CPNE1: variants seen among roughly 807,000 people sequenced by gnomAD.
CPNE1 encodes copine-1.
Under a neutral mutation model 63.2 loss-of-function variants are expected in CPNE1, and 58 were observed. The observed-to-expected ratio is 0.92, with a 90% CI of 0.74 to 1.14. CPNE1 has a LOEUF of 1.14. Ranked by LOEUF, CPNE1 falls within the 50% of genes most tolerant of loss-of-function variation. The probability of loss-of-function intolerance (pLI) is 0.00; values close to 1 mark genes in which losing one functional copy is unlikely to be tolerated. For missense variants in CPNE1, 672 were observed against 661.7 expected (o/e 1.02, Z -0.17); for synonymous variants, 237 against 249.0 (o/e 0.95, Z 0.45).
chr20:35,630,983 G>T lies in CPNE1; in HGVS notation c.913C>A (p.Leu305Ile), dbSNP rs1410251863. The T allele has an allele frequency of 2.5e-6, 4 of 1,614,038 alleles. No individual in the cohort carries two copies. Among genetic ancestry groups the T allele is most frequent in the African/African-American group, 2.7e-5 (2 of 74,928 alleles). The change falls in exon 11 of 16, where the codon CTA becomes ATA. Residue 305 changes from leucine to isoleucine, a missense_variant. Leu to Ile is a conservative substitution (Grantham distance 5, BLOSUM62 2). Coordinates refer to ENST00000397443, the MANE Select transcript of CPNE1 (RefSeq NM_152925.3). The stretch of plus-strand genomic sequence containing the variant: ...ACCCCTGTTGGACTCAGGTAGTGTA[G>T]GGAGTCAGGTGAGGAGGGGTCTCCA... ...SNGDPSSPDS[L>I]HYLSPTGVNE...
chr20:35,661,757 A>T (rs2034242137), intron 1 of CPNE1, among the ~76,000 whole-genome samples: 1 of 152,234 alleles, frequency 6.6e-6, no homozygotes, highest in Admixed American at 6.5e-5. Context: ...CTTCATCAAG[A>T]AGTCAAGGCA....
At chr20:35,640,667 T>C (rs1470138648) in intron 1 of CPNE1, among the ~76,000 whole-genome samples, 2 of 152,182 alleles carry the variant, frequency 1.3e-5, no homozygotes, top group African/African-American at 4.8e-5. Context: ...GCTTATTATG[T>C]ATTTCTCCTC....
intron 1 of CPNE1, among the ~76,000 whole-genome samples, chr20:35,637,702 A>G (rs530158900): frequency 1.5e-3 from 224 of 152,286 alleles, no homozygotes; most frequent in African/African-American, 5.2e-3. Flanking sequence ...CAGAAACCTG[A>G]TCATGTCATT....
chr20:35,628,053 G>A (rs534213453), intron 13 of CPNE1, among the ~76,000 whole-genome samples: 6 of 151,918 alleles, frequency 3.9e-5, no homozygotes, highest in South Asian at 2.1e-4. Flanking sequence ...AGGCTGAGGC[G>A]GGCGGATCAC....
At chr20:35,658,848 G>A in intron 1 of CPNE1, 2 of 667,614 alleles carry the variant, frequency 3.0e-6, no homozygotes, top group Admixed American at 2.2e-5. Context: ...CAATATAGTT[G>A]CTACATATAT....
chr20:35,649,892 C>T (rs2033384546), intron 1 of CPNE1: 1 of 152,244 alleles, frequency 6.6e-6, no homozygotes, highest in African/African-American at 2.4e-5. Flanking sequence ...ATAGTGTTTA[C>T]AAATGCACAC....
At chr20:35,647,083 G>C (rs1223079419) in intron 1 of CPNE1, among the ~76,000 whole-genome samples, 1 of 151,922 alleles carries the variant, frequency 6.6e-6, no homozygotes, top group Non-Finnish European at 1.5e-5. Context: ...GGCTGAGGTG[G>C]GTGGATCACC....
chr20:35,633,829 T>C (rs1200820342), intron 1 of CPNE1, among the ~76,000 whole-genome samples: 2 of 150,898 alleles, frequency 1.3e-5, no homozygotes, highest in Non-Finnish European at 3.0e-5. Context: ...CATGTTGGCG[T>C]GTGCCTATAA....
Position 35,631,113 on chromosome 20 carries a change from CA to C in CPNE1, c.861del (p.Val288TrpfsTer21). ...CTCTTGCCCTTGGTAAAGTAACTTACAGTGAAGTTGATCTGACAGCCTCCCA... is the reference window on the plus strand; with the variant it reads ...CTCTTGCCCTTGGTAAAGTAACTTACGTGAAGTTGATCTGACAGCCTCCCA... ...YVMGGCQINF[T>X]VGVDFTGSNG... On this transcript the variant is annotated frameshift_variant and splice_region_variant, in exon 10 of 16. Transcript: ENST00000397443. LOFTEE classifies it high-confidence loss of function. The C allele has an allele frequency of 6.2e-7, 1 of 1,614,136 alleles. No homozygotes were observed. Among genetic ancestry groups the C allele is most frequent in the Non-Finnish European group, 8.5e-7 (1 of 1,180,026 alleles).
chr20:35,634,210 GA>G (rs1248036041), intron 1 of CPNE1, among the ~76,000 whole-genome samples: 1 of 148,920 alleles, frequency 6.7e-6, no homozygotes, highest in Admixed American at 6.7e-5. Flanking sequence ...GCAGTGAGCC[GA>G]GATGGCGCCA....
chr20:35,645,929 T>G (rs1157501592), intron 1 of CPNE1, among the ~76,000 whole-genome samples: 4 of 151,938 alleles, frequency 2.6e-5, no homozygotes, highest in African/African-American at 4.8e-5. Flanking sequence ...CTGGTACCAG[T>G]TGGTGTGATT....
intron 1 of CPNE1, among the ~76,000 whole-genome samples, chr20:35,647,038 T>G (rs574791635): frequency 6.6e-6 from 1 of 151,746 alleles, no homozygotes; most frequent in Admixed American, 6.6e-5. Flanking sequence ...GGGCCGGGCA[T>G]GGTGGCTCAT....
At position 35,631,106 on chromosome 20, in the gene CPNE1, T is replaced by G. The variant is rs2032099847; in HGVS notation, c.861+8A>C. ...ACCTGTTCTCTTGCCCTTGGTAAAG[T>G]AACTTACAGTGAAGTTGATCTGACA... On this transcript the variant is annotated splice_region_variant and intron_variant, in intron 10 of 15. Transcript: ENST00000397443. 8 of 1,614,144 alleles carry G rather than the reference T, an allele frequency of 5.0e-6. No homozygotes were observed. In the East Asian group the frequency reaches 1.8e-4, roughly 36 times the overall value.
intron 1 of CPNE1, among the ~76,000 whole-genome samples, chr20:35,645,009 T>G (rs1040959677): frequency 1.3e-5 from 2 of 152,212 alleles, no homozygotes; most frequent in Admixed American, 6.5e-5. Flanking sequence ...GGCTGAAATC[T>G]ACATTCTTTT....
chr20:35,636,051 TG>T (rs2032470302), intron 1 of CPNE1, among the ~76,000 whole-genome samples: 1 of 152,216 alleles, frequency 6.6e-6, no homozygotes, highest in Non-Finnish European at 1.5e-5. Context: ...TAGGGCTCCA[TG>T]GGAAGGCCTT....
chr20:35,651,313 A>G (rs2033496912), intron 1 of CPNE1: 1 of 152,178 alleles, frequency 6.6e-6, no homozygotes, highest in Non-Finnish European at 1.5e-5. Flanking sequence ...AATACCAAAG[A>G]AAAGAGTATG....
intron 1 of CPNE1, among the ~76,000 whole-genome samples, chr20:35,658,584 C>A (rs2034040182): frequency 6.6e-6 from 1 of 152,206 alleles, no homozygotes; most frequent in South Asian, 2.1e-4. Context: ...GAGGATAAAA[C>A]CCCATCTCTA....
At chr20:35,652,650 A>C in intron 1 of CPNE1, 1 of 1,614,158 alleles carries the variant, frequency 6.2e-7, no homozygotes, top group Non-Finnish European at 8.5e-7. Context: ...TACCTTTTTC[A>C]TTGTATTTTA....
intron 1 of CPNE1, among the ~76,000 whole-genome samples, chr20:35,648,710 G>C (rs1300158625): frequency 6.6e-6 from 1 of 152,160 alleles, no homozygotes; most frequent in Non-Finnish European, 1.5e-5. Context: ...TGAAAAGGTG[G>C]ATACTATGGA....
Sources: allele counts gnomAD v4.1 joint callset (sites outside exome capture counted in the v4.1 genomes callset), GRCh38; gene constraint gnomAD v4.1.1; transcripts MANE v1.5; gene names NCBI Gene and HGNC (gene_info 2026-07-23, HGNC 2026-07-21).